The following WWTR1 variants were observed in gnomAD, a reference collection of about 807,000 sequenced individuals.
The protein encoded by WWTR1 is WW domain containing transcription regulator 1.
WWTR1 carries 13 observed loss-of-function variants against 40.1 expected under a neutral mutation model. That is an observed-to-expected ratio of 0.32 (90% CI 0.21 to 0.52). The LOEUF (loss-of-function observed/expected upper bound fraction) is 0.52, where lower values mean the gene tolerates loss of function less well. Among genes scored for constraint, WWTR1 ranks in the 20% least tolerant of loss-of-function variants. WWTR1 has a pLI of 0.97. For missense variants in WWTR1, 436 were observed against 523.1 expected, an observed-to-expected ratio of 0.83 and a Z score of 1.63; for synonymous variants, 230 against 210.1, an observed-to-expected ratio of 1.09 and a Z score of -0.82.
intron 2 of WWTR1, among the ~76,000 whole-genome samples, chr3:149,610,837 C>A (rs1739704132): frequency 6.6e-6 from 1 of 152,172 alleles, no homozygotes; most frequent in African/African-American, 2.4e-5. Context: ...AGCCTGGACA[C>A]TGCTGTTCAT....
chr3:149,708,174 T>G (rs1024549733), upstream of WWTR1, among the ~76,000 whole-genome samples: 3 of 152,088 alleles, frequency 2.0e-5, no homozygotes, highest in Non-Finnish European at 4.4e-5. Flanking sequence ...TCAACAGGCA[T>G]TTTTCCCCAA....
intron 5 of WWTR1, among the ~76,000 whole-genome samples, chr3:149,715,503 G>T (rs143276645): frequency 1.3e-3 from 200 of 152,298 alleles, no homozygotes; most frequent in African/African-American, 4.5e-3. Flanking sequence ...CGGATCCCAC[G>T]CTTGCTTACA....
chr3:149,596,766 G>A (rs1336042185), intron 2 of WWTR1, among the ~76,000 whole-genome samples: 1 of 152,216 alleles, frequency 6.6e-6, no homozygotes, highest in African/African-American at 2.4e-5. Context: ...CTTTGGATAA[G>A]CTACTGTGCT....
At chr3:149,724,499 T>TAAAAAAA (rs11382942) in intron 3 of WWTR1, among the ~76,000 whole-genome samples, 1 of 146,412 alleles carries the variant, frequency 6.8e-6, no homozygotes. Flanking sequence ...CCAGACTCCT[T>TAAAAAAA]AAAAAAAAAA....
At chr3:149,560,965 C>T (rs202182358) in intron 3 of WWTR1, among the ~76,000 whole-genome samples, 77 of 149,816 alleles carry the variant, frequency 5.1e-4, no homozygotes, top group African/African-American at 1.6e-3. Context: ...CACCCCCCCC[C>T]GCAAAAAATC....
chr3:149,614,873 C>T (rs1292461898), intron 2 of WWTR1, among the ~76,000 whole-genome samples: 1 of 152,060 alleles, frequency 6.6e-6, no homozygotes, highest in Non-Finnish European at 1.5e-5. Flanking sequence ...GTCCCAGCTA[C>T]TCGGGAGGCT....
intron 1 of WWTR1, among the ~76,000 whole-genome samples, chr3:149,692,971 G>A (rs1714872550): frequency 6.6e-6 from 1 of 152,106 alleles, no homozygotes; most frequent in African/African-American, 2.4e-5. Flanking sequence ...ACTACTGGAA[G>A]TTCTAGCTAG....
intron 1 of WWTR1, among the ~76,000 whole-genome samples, chr3:149,695,456 T>A (rs1714953255): frequency 6.6e-6 from 1 of 151,974 alleles, no homozygotes; most frequent in Non-Finnish European, 1.5e-5. Flanking sequence ...TCATAAAAAT[T>A]AAAAATAAAA....
At chr3:149,624,416 A>G (rs766837232) in intron 2 of WWTR1, among the ~76,000 whole-genome samples, 3 of 152,220 alleles carry the variant, frequency 2.0e-5, no homozygotes, top group African/African-American at 7.2e-5. Flanking sequence ...AGCTAGTGTG[A>G]GCTAGACCTC....
intron 2 of WWTR1, among the ~76,000 whole-genome samples, chr3:149,582,808 TGA>T (rs1738217693): frequency 6.6e-6 from 1 of 152,202 alleles, no homozygotes; most frequent in African/African-American, 2.4e-5. Flanking sequence ...CACAACAATG[TGA>T]GAGTCTATTT....
At chr3:149,672,521 T>C (rs1365837681) in intron 1 of WWTR1, among the ~76,000 whole-genome samples, 1 of 152,144 alleles carries the variant, frequency 6.6e-6, no homozygotes, top group Non-Finnish European at 1.5e-5. Context: ...CAAAAACTTA[T>C]TATTATTACA....
intron 4 of WWTR1, among the ~76,000 whole-genome samples, chr3:149,533,610 G>A (rs1012782208): frequency 1.1e-4 from 17 of 152,316 alleles, no homozygotes; most frequent in Admixed American, 4.6e-4. Context: ...TTAAGTTGGG[G>A]TCCAGAGCTT....
intron 2 of WWTR1, among the ~76,000 whole-genome samples, chr3:149,639,461 G>A (rs1048339043): frequency 2.6e-5 from 4 of 152,108 alleles, no homozygotes; most frequent in Non-Finnish European, 5.9e-5. Flanking sequence ...TCCTGCCTCA[G>A]CCTCCCAAAG....
intron 3 of WWTR1, among the ~76,000 whole-genome samples, chr3:149,543,833 C>G (rs770654256): frequency 2.0e-5 from 3 of 150,566 alleles, no homozygotes; most frequent in Non-Finnish European, 4.4e-5. Context: ...ATACTCACTT[C>G]ATTTCTGAGA....
At chr3:149,675,444 A>G (rs1480560342) in intron 1 of WWTR1, among the ~76,000 whole-genome samples, 1 of 152,192 alleles carries the variant, frequency 6.6e-6, no homozygotes, top group Non-Finnish European at 1.5e-5. Context: ...TGGCCTGAAG[A>G]TGAAGATGAG....
At chr3:149,656,423 T>C (rs1007345367) in intron 2 of WWTR1, among the ~76,000 whole-genome samples, 1 of 152,048 alleles carries the variant, frequency 6.6e-6, no homozygotes, top group Non-Finnish European at 1.5e-5. Flanking sequence ...CCCAAGAAGA[T>C]AGAAACTGCA....
intron 2 of WWTR1, among the ~76,000 whole-genome samples, chr3:149,652,079 G>A (rs1248928492): frequency 2.1e-5 from 3 of 143,652 alleles, no homozygotes; most frequent in Non-Finnish European, 3.0e-5. Flanking sequence ...TCCTGACCTC[G>A]TGATCCGCCC....
intron 2 of WWTR1, among the ~76,000 whole-genome samples, chr3:149,631,952 A>T (rs796703628): frequency 4.1e-4 from 63 of 152,164 alleles, no homozygotes; most frequent in African/African-American, 1.4e-3. Flanking sequence ...ACAGGATCTC[A>T]CTCTGTCACC....
At chr3:149,663,297 T>C (rs1713665185) in intron 2 of WWTR1, among the ~76,000 whole-genome samples, 2 of 151,640 alleles carry the variant, frequency 1.3e-5, no homozygotes, top group Non-Finnish European at 2.9e-5. Context: ...GGATTACAGA[T>C]GTGAGCCACC....
Sources: allele counts gnomAD v4.1 joint callset (sites outside exome capture counted in the v4.1 genomes callset), GRCh38; gene constraint gnomAD v4.1.1; transcripts MANE v1.5; gene names NCBI Gene and HGNC (gene_info 2026-07-23, HGNC 2026-07-21).